MACROD2: variants seen among roughly 807,000 people sequenced by gnomAD.
The protein encoded by MACROD2 is ADP-ribose glycohydrolase MACROD2.
Under a neutral mutation model 70.4 loss-of-function variants are expected in MACROD2, and 36 were observed. That is an observed-to-expected ratio of 0.51 (90% CI 0.39 to 0.68). The LOEUF (loss-of-function observed/expected upper bound fraction) is 0.68, where lower values mean the gene tolerates loss of function less well. Ranked by LOEUF, MACROD2 falls within the 30% of genes least tolerant of loss-of-function variation. The probability of loss-of-function intolerance (pLI) is 0.00; values close to 1 mark genes in which losing one functional copy is unlikely to be tolerated. For synonymous variants in MACROD2, 172 were observed against 178.8 expected, an observed-to-expected ratio of 0.96 and a Z score of 0.30; for missense variants, 496 against 538.4, an observed-to-expected ratio of 0.92 and a Z score of 0.78.
chr20:14,803,751 G>C (rs1248033607), intron 5 of MACROD2, among the ~76,000 whole-genome samples: 1 of 152,064 alleles, frequency 6.6e-6, no homozygotes, highest in Non-Finnish European at 1.5e-5. Flanking sequence ...AAAGTGCTGG[G>C]ATTACAGGCG....
chr20:15,624,551 A>G (rs2049174943), intron 8 of MACROD2, among the ~76,000 whole-genome samples: 1 of 152,210 alleles, frequency 6.6e-6, no homozygotes, highest in African/African-American at 2.4e-5. Context: ...GGGGTTAGAA[A>G]GCTATGGCCC....
intron 5 of MACROD2, among the ~76,000 whole-genome samples, chr20:14,960,147 A>C (rs1263550786): frequency 6.6e-6 from 1 of 152,130 alleles, no homozygotes; most frequent in Non-Finnish European, 1.5e-5. Flanking sequence ...TCAACCCCTC[A>C]ATTTACACAT....
intron 5 of MACROD2, among the ~76,000 whole-genome samples, chr20:14,851,662 T>C (rs1447912999): frequency 6.6e-6 from 1 of 152,186 alleles, no homozygotes; most frequent in East Asian, 1.9e-4. Flanking sequence ...GAAGTTCATG[T>C]ACACAAAGAT....
intron 6 of MACROD2, among the ~76,000 whole-genome samples, chr20:15,265,676 C>T (rs1054464093): frequency 6.6e-6 from 1 of 152,086 alleles, no homozygotes; most frequent in African/African-American, 2.4e-5. Flanking sequence ...TTTCTTTCTT[C>T]TTTTTTCTTA....
chr20:14,912,734 G>GA (rs891372302), intron 5 of MACROD2, among the ~76,000 whole-genome samples: 56 of 151,774 alleles, frequency 3.7e-4, no homozygotes, highest in East Asian at 7.7e-4. Context: ...TGAGAGAAGG[G>GA]AAAAAAAATC....
intron 4 of MACROD2, among the ~76,000 whole-genome samples, chr20:14,643,950 C>G (rs893751413): frequency 6.6e-5 from 10 of 151,962 alleles, no homozygotes; most frequent in Admixed American, 5.9e-4. Context: ...TGTAGTTAGT[C>G]ATCTATAACA....
At chr20:14,853,352 G>A (rs764016540) in intron 5 of MACROD2, among the ~76,000 whole-genome samples, 2 of 151,984 alleles carry the variant, frequency 1.3e-5, no homozygotes, top group Non-Finnish European at 2.9e-5. Flanking sequence ...AAAGGGGTGC[G>A]GAAGAGTTAG....
intron 6 of MACROD2, among the ~76,000 whole-genome samples, chr20:15,260,403 C>T (rs552319858): frequency 6.6e-6 from 1 of 151,224 alleles, no homozygotes; most frequent in South Asian, 2.1e-4. Flanking sequence ...CTTTCTTTGC[C>T]TGACTTATTT....
At chr20:15,836,254 G>A (rs937672661) in intron 8 of MACROD2, among the ~76,000 whole-genome samples, 4 of 152,200 alleles carry the variant, frequency 2.6e-5, no homozygotes, top group Non-Finnish European at 5.9e-5. Context: ...TGGATTTGAT[G>A]CAGATGTGAA....
chr20:14,583,669 A>T (rs1350773875), intron 4 of MACROD2, among the ~76,000 whole-genome samples: 1 of 152,176 alleles, frequency 6.6e-6, no homozygotes, highest in Non-Finnish European at 1.5e-5. Context: ...CAGGAATATT[A>T]AGATCTACCT....
At chr20:15,082,553 C>G (rs2075713479) in intron 5 of MACROD2, among the ~76,000 whole-genome samples, 1 of 104,794 alleles carries the variant, frequency 9.5e-6, no homozygotes, top group African/African-American at 3.8e-5. Flanking sequence ...TTTTCCTAAG[C>G]TGAAGATAGA....
intron 10 of MACROD2, among the ~76,000 whole-genome samples, chr20:15,888,901 G>A (rs543966810): frequency 6.6e-6 from 1 of 152,248 alleles, no homozygotes; most frequent in Non-Finnish European, 1.5e-5. Context: ...TCGAAGATGA[G>A]TCTAAACCAG....
chr20:15,873,849 C>T (rs1050281897), intron 9 of MACROD2, among the ~76,000 whole-genome samples: 1 of 152,118 alleles, frequency 6.6e-6, no homozygotes, highest in East Asian at 1.9e-4. Context: ...CTTCGCCTCA[C>T]AGAAAACCAT....
At chr20:14,709,566 T>C (rs1416841446) in intron 5 of MACROD2, among the ~76,000 whole-genome samples, 1 of 152,128 alleles carries the variant, frequency 6.6e-6, no homozygotes, top group Admixed American at 6.5e-5. Context: ...CATCACAAAG[T>C]AGAAGCAATA....
chr20:14,853,807 TTTTTG>T (rs372083863), intron 5 of MACROD2, among the ~76,000 whole-genome samples: 2,092 of 151,988 alleles, frequency 0.014, 25 homozygotes, highest in African/African-American at 0.022. Context: ...TACACAAACT[TTTTTG>T]TTTTGTTTTG....
At chr20:14,970,636 A>T (rs1055874619) in intron 5 of MACROD2, among the ~76,000 whole-genome samples, 9 of 145,798 alleles carry the variant, frequency 6.2e-5, no homozygotes, top group African/African-American at 8.4e-5. Flanking sequence ...TAAATTTTTT[A>T]AAAAATTTAT....
intron 3 of MACROD2, among the ~76,000 whole-genome samples, chr20:14,302,668 T>G (rs1037162507): frequency 2.2e-4 from 33 of 152,234 alleles, no homozygotes; most frequent in Non-Finnish European, 3.5e-4. Flanking sequence ...TGTTGTTGTT[T>G]TTTTTTTAGA....
At chr20:14,217,061 G>C (rs2081629186) in intron 3 of MACROD2, among the ~76,000 whole-genome samples, 1 of 152,108 alleles carries the variant, frequency 6.6e-6, no homozygotes, top group Admixed American at 6.6e-5. Context: ...GGAGTGGTGA[G>C]AGTGGGCATC....
chr20:15,852,870 A>C (rs2064315505), intron 8 of MACROD2, among the ~76,000 whole-genome samples: 1 of 152,188 alleles, frequency 6.6e-6, no homozygotes, highest in African/African-American at 2.4e-5. Context: ...TTAGCCAGGC[A>C]TGGTGTGGCA....
Sources: gnomAD v4.1 joint callset for allele counts (sites outside exome capture counted in the v4.1 genomes callset) on GRCh38, gnomAD v4.1.1 for gene constraint, MANE v1.5 for transcripts, NCBI Gene and HGNC (gene_info 2026-07-23, HGNC 2026-07-21) for gene names.